Variants in CRTAC1 observed in about 807,000 individuals in gnomAD.
CRTAC1 encodes the protein acidic secreted protein in cartilage.
Under a neutral mutation model 67.8 loss-of-function variants are expected in CRTAC1, and 37 were observed. The observed-to-expected ratio is 0.55, with a 90% CI of 0.42 to 0.72. The LOEUF (loss-of-function observed/expected upper bound fraction) is 0.72. CRTAC1 is among the 30% of genes least tolerant of loss of function. The pLI is 0.00. For synonymous variants in CRTAC1, 348 were observed against 371.0 expected, an observed-to-expected ratio of 0.94 and a Z score of 0.71; for missense variants, 780 against 931.6, an observed-to-expected ratio of 0.84 and a Z score of 2.12.
chr10:97,980,837 G>T (rs1449338064), intron 2 of CRTAC1, among the ~76,000 whole-genome samples: 1 of 152,194 alleles, frequency 6.6e-6, no homozygotes, highest in East Asian at 1.9e-4. Context: ...GTTGTCACTG[G>T]CTCCCTTGCT....
intron 2 of CRTAC1, among the ~76,000 whole-genome samples, chr10:97,947,929 A>G (rs1434093309): frequency 6.6e-6 from 1 of 151,966 alleles, no homozygotes; most frequent in Non-Finnish European, 1.5e-5. Context: ...ATAGATGAAG[A>G]TTGTGTTTGC....
At chr10:97,952,267 G>C (rs1412962732) in intron 2 of CRTAC1, among the ~76,000 whole-genome samples, 3 of 151,882 alleles carry the variant, frequency 2.0e-5, no homozygotes, top group Admixed American at 2.0e-4. Flanking sequence ...CAGGAGAATG[G>C]CGTGAACCCA....
rs113358758 is a variant in CRTAC1, at chr10:97,949,567, G to C, written c.225-13201C>G. On this transcript the variant is annotated intron_variant, in intron 2 of 14. Transcript: ENST00000370597. ...GAGTGTCTTGGTAAAGGTGGCAGAA[G>C]CATCTGCTCTCCAGAGTGAGGTGAG... Among the ~76,000 whole-genome samples, 1,340 of 152,378 alleles carry C rather than the reference G, an allele frequency of 8.8e-3. 23 individuals are homozygous for C. Among genetic ancestry groups the C allele is most frequent in the African/African-American group, 0.031 (1,279 of 41,590 alleles).
chr10:97,964,054 G>A (rs535668663), intron 2 of CRTAC1, among the ~76,000 whole-genome samples: 7 of 152,190 alleles, frequency 4.6e-5, no homozygotes, highest in Non-Finnish European at 8.8e-5. Flanking sequence ...GGCTTGTGCT[G>A]TCCCCTCTTT....
At chr10:97,980,443 T>C (rs2051874563) in intron 2 of CRTAC1, among the ~76,000 whole-genome samples, 1 of 152,030 alleles carries the variant, frequency 6.6e-6, no homozygotes, top group Non-Finnish European at 1.5e-5. Context: ...ACTCCAAGAG[T>C]CCCATACCTG....
chr10:98,029,780 G>C lies in CRTAC1; in HGVS notation c.24+669C>G, dbSNP rs932377774. Among the ~76,000 whole-genome samples the C allele has an allele frequency of 2.0e-5, 3 of 152,174 alleles. No homozygotes were observed. The highest frequency in any genetic ancestry group is 7.2e-5 in the African/African-American group (3 of 41,450). ...TCAAAGCCTCCAAGTGCCCCCACGG[G>C]GTCGAGGAGGACTCAGGGTTCCCCT... On this transcript the variant is annotated intron_variant, in intron 1 of 14. Transcript: ENST00000370597. This position sits in a 1 kb window ranked among gnomAD's most constrained non-coding sequence, Gnocchi z 4.7.
intron 3 of CRTAC1, among the ~76,000 whole-genome samples, chr10:97,930,247 G>T (rs749795127): frequency 6.6e-6 from 1 of 152,222 alleles, no homozygotes; most frequent in African/African-American, 2.4e-5. Context: ...CTCGTAGGAG[G>T]CAGTCCCAGT....
At chr10:97,916,682 CCAA>C (rs2050763528) in intron 5 of CRTAC1, among the ~76,000 whole-genome samples, 1 of 152,164 alleles carries the variant, frequency 6.6e-6, no homozygotes, top group Admixed American at 6.5e-5. Flanking sequence ...GGAAGGCCGA[CCAA>C]CAAGAGGATC....
chr10:97,911,452 C>T (rs991682321), intron 5 of CRTAC1, among the ~76,000 whole-genome samples: 1 of 152,182 alleles, frequency 6.6e-6, no homozygotes, highest in East Asian at 1.9e-4. Flanking sequence ...CCATGGCAAC[C>T]GGACCATAAC....
intron 2 of CRTAC1, among the ~76,000 whole-genome samples, chr10:97,958,370 T>C (rs2051473680): frequency 1.3e-5 from 2 of 152,208 alleles, no homozygotes; most frequent in South Asian, 4.1e-4. Context: ...GTGGGGAATG[T>C]TAGAAATTAG....
chr10:98,007,285 G>T (rs533780770), intron 2 of CRTAC1, among the ~76,000 whole-genome samples: 1 of 152,146 alleles, frequency 6.6e-6, no homozygotes, highest in Admixed American at 6.5e-5. Flanking sequence ...TAAGGCAAGG[G>T]GTGGACCAAA....
intron 2 of CRTAC1, among the ~76,000 whole-genome samples, chr10:97,977,910 G>A (rs2051833459): frequency 6.6e-6 from 1 of 152,162 alleles, no homozygotes; most frequent in Admixed American, 6.5e-5. Flanking sequence ...CACCAGCCTG[G>A]ACTCCAGCCT....
intron 4 of CRTAC1, among the ~76,000 whole-genome samples, chr10:97,920,502 A>ATTT (rs113130938): frequency 3.2e-4 from 48 of 151,160 alleles, no homozygotes; most frequent in African/African-American, 7.0e-4. Flanking sequence ...TAAAACACAG[A>ATTT]TTTTTTTTTT....
At chr10:97,887,146 G>A (rs781698551) in intron 11 of CRTAC1, among the ~76,000 whole-genome samples, 5 of 151,510 alleles carry the variant, frequency 3.3e-5, no homozygotes, top group Admixed American at 6.6e-5. Context: ...CAGACTGACT[G>A]AAGGGCCACA....
chr10:98,012,473 G>T (rs1029303396), intron 1 of CRTAC1, among the ~76,000 whole-genome samples: 1 of 152,188 alleles, frequency 6.6e-6, no homozygotes, highest in African/African-American at 2.4e-5. Flanking sequence ...CAGGCAAAGC[G>T]GTACTTTCCT....
intron 11 of CRTAC1, among the ~76,000 whole-genome samples, chr10:97,892,432 C>G (rs1413808079): frequency 6.6e-6 from 1 of 152,188 alleles, no homozygotes; most frequent in South Asian, 2.1e-4. Context: ...CCGTGGTGGT[C>G]ACCTTGGTGC....
chr10:97,882,435 C>T (rs2050227961), intron 13 of CRTAC1, among the ~76,000 whole-genome samples: 1 of 152,218 alleles, frequency 6.6e-6, no homozygotes, highest in Admixed American at 6.5e-5. Context: ...TGCCAGCCCC[C>T]TTGCTTGCTG....
intron 2 of CRTAC1, among the ~76,000 whole-genome samples, chr10:97,949,086 G>T (rs1186912731): frequency 6.6e-6 from 1 of 152,224 alleles, no homozygotes; most frequent in Non-Finnish European, 1.5e-5. Context: ...CACCCAGAAA[G>T]CTAGGGTTAG....
At chr10:97,878,798 T>A in intron 14 of CRTAC1, 1 of 1,009,328 alleles carries the variant, frequency 9.9e-7, no homozygotes, top group Non-Finnish European at 1.3e-6. Flanking sequence ...TCTCTTGTCA[T>A]CTACATTAGG....
Sources: allele counts gnomAD v4.1 joint callset (sites outside exome capture counted in the v4.1 genomes callset), GRCh38; gene constraint gnomAD v4.1.1; non-coding constraint Gnocchi (gnomAD v3.1); transcripts MANE v1.5; gene names NCBI Gene and HGNC (gene_info 2026-07-23, HGNC 2026-07-21).